SUGCT: variants seen among roughly 807,000 people sequenced by gnomAD.
The protein encoded by SUGCT is succinyl-CoA:glutarate-CoA transferase.
A neutral mutation model predicts 55.0 loss-of-function variants in SUGCT; 41 were observed. The observed-to-expected ratio is 0.74, with a 90% confidence interval of 0.58 to 0.97. SUGCT has a LOEUF of 0.97. Among genes scored for constraint, SUGCT ranks in the 50% least tolerant of loss-of-function variants. SUGCT has a pLI of 0.00. For missense variants in SUGCT, 568 were observed against 547.8 expected (o/e 1.04, Z -0.37); for synonymous variants, 187 against 200.4 (o/e 0.93, Z 0.56).
At chr7:40,461,955 T>C (rs959494788) in intron 11 of SUGCT, among the ~76,000 whole-genome samples, 1 of 152,224 alleles carries the variant, frequency 6.6e-6, no homozygotes, top group Admixed American at 6.5e-5. Flanking sequence ...ATCTCTCATA[T>C]TGCCTCCCTG....
At chr7:40,438,837 A>G (rs137934211) in intron 9 of SUGCT, among the ~76,000 whole-genome samples, 17 of 151,674 alleles carry the variant, frequency 1.1e-4, no homozygotes, top group African/African-American at 3.4e-4. Flanking sequence ...CAGAATGAGG[A>G]GAAGAGAAGG....
At chr7:40,341,797 C>T (rs1797065882) in intron 9 of SUGCT, among the ~76,000 whole-genome samples, 1 of 152,182 alleles carries the variant, frequency 6.6e-6, no homozygotes, top group Non-Finnish European at 1.5e-5. Context: ...AAGATGCATC[C>T]TTCTGAGTTG....
intron 13 of SUGCT, among the ~76,000 whole-genome samples, chr7:40,753,963 C>T (rs1788137370): frequency 6.6e-6 from 1 of 152,104 alleles, no homozygotes; most frequent in African/African-American, 2.4e-5. Context: ...ATATCTGTTG[C>T]AAATACTCCC....
At chr7:40,938,899 T>C in the SUGCT span, among the ~76,000 whole-genome samples, 4 of 152,214 alleles carry the variant, frequency 2.6e-5, no homozygotes, top group African/African-American at 7.2e-5. Flanking sequence ...ATATACCATA[T>C]TTTCTTCATC....
chr7:40,309,582 A>C (rs1455193810), intron 8 of SUGCT, among the ~76,000 whole-genome samples: 1 of 152,220 alleles, frequency 6.6e-6, no homozygotes, highest in East Asian at 1.9e-4. Context: ...GACATGAGCC[A>C]CTGCACCTGG....
At chr7:40,396,230 C>T (rs1049324373) in intron 9 of SUGCT, among the ~76,000 whole-genome samples, 1 of 152,162 alleles carries the variant, frequency 6.6e-6, no homozygotes, top group Non-Finnish European at 1.5e-5. Context: ...TGCCTTAATA[C>T]AACTCTGACA....
At chr7:40,949,758 T>C in the SUGCT span, among the ~76,000 whole-genome samples, 1,857 of 152,316 alleles carry the variant, frequency 0.012, 42 homozygotes, top group African/African-American at 0.042. Context: ...AAAGATCAGC[T>C]GGTTGTAGAT....
intron 8 of SUGCT, among the ~76,000 whole-genome samples, chr7:40,305,142 G>T (rs1794782313): frequency 6.6e-6 from 1 of 152,124 alleles, no homozygotes; most frequent in African/African-American, 2.4e-5. Context: ...TATCCATCTG[G>T]TATGTGGGGA....
At chr7:40,888,733 A>T in the SUGCT span, among the ~76,000 whole-genome samples, 4 of 152,198 alleles carry the variant, frequency 2.6e-5, no homozygotes, top group African/African-American at 9.7e-5. Flanking sequence ...CAGACCACAG[A>T]TAGGTACTGC....
chr7:40,649,262 A>G (rs1279856688), intron 12 of SUGCT, among the ~76,000 whole-genome samples: 1 of 152,184 alleles, frequency 6.6e-6, no homozygotes, highest in Non-Finnish European at 1.5e-5. Context: ...TGTGCTTGAG[A>G]TCAGAAGTCA....
chr7:40,545,354 T>G (rs1391485778), intron 12 of SUGCT, among the ~76,000 whole-genome samples: 1 of 152,236 alleles, frequency 6.6e-6, no homozygotes, highest in Non-Finnish European at 1.5e-5. Flanking sequence ...CCTTCCTTTC[T>G]TCTTTCTTAC....
At chr7:40,761,163 G>A (rs1247434510) in intron 13 of SUGCT, among the ~76,000 whole-genome samples, 1 of 152,224 alleles carries the variant, frequency 6.6e-6, no homozygotes, top group African/African-American at 2.4e-5. Context: ...GCATGTGACA[G>A]TGACCAGTCA....
chr7:40,518,426 G>A (rs1319600116), intron 12 of SUGCT, among the ~76,000 whole-genome samples: 1 of 152,066 alleles, frequency 6.6e-6, no homozygotes, highest in African/African-American at 2.4e-5. Context: ...GATAATGAAA[G>A]CCAGATTACT....
rs139021597 is a variant in SUGCT, at chr7:40,770,740, ACAT to A, written c.1153+21250_1153+21252del. ...TAATGGACAACAAACCATATCTGTC[ACAT>A]CATCATTTAACTCAGTTTATATAAT... On this transcript the variant is annotated intron_variant, in intron 13 of 13. Coordinates refer to ENST00000335693, the MANE Select transcript of SUGCT (RefSeq NM_001193313.2). Among the ~76,000 whole-genome samples the A allele has an allele frequency of 9.1e-3, 1,393 of 152,284 alleles. 20 individuals carry two copies. Among genetic ancestry groups the A allele is most frequent in the African/African-American group, 0.032 (1,342 of 41,546 alleles).
At chr7:40,534,121 A>G (rs924072133) in intron 12 of SUGCT, among the ~76,000 whole-genome samples, 2 of 152,164 alleles carry the variant, frequency 1.3e-5, no homozygotes, top group Admixed American at 6.5e-5. Flanking sequence ...AAAATCCCCA[A>G]TACCTATTTG....
At chr7:40,145,457 A>G (rs1788193759) in intron 1 of SUGCT, among the ~76,000 whole-genome samples, 1 of 151,850 alleles carries the variant, frequency 6.6e-6, no homozygotes, top group Non-Finnish European at 1.5e-5. Context: ...AATTTATTTT[A>G]GGACAAGAAT....
intron 1 of SUGCT, 84 bp downstream of exon 1, chr7:40,135,204 G>C: frequency 1.4e-6 from 2 of 1,429,822 alleles, no homozygotes; most frequent in Non-Finnish European, 1.9e-6. Flanking sequence ...GAGCAATTAG[G>C]GTCTGAAGTC....
intron 12 of SUGCT, among the ~76,000 whole-genome samples, chr7:40,529,902 G>A (rs1049309114): frequency 1.3e-5 from 2 of 152,158 alleles, no homozygotes; most frequent in East Asian, 3.8e-4. Context: ...AAGGTACAAG[G>A]AAAGTTGACT....
chr7:40,860,256 G>T, intron 13 of SUGCT, 60 bp from the exon 14 acceptor site: 1 of 1,605,760 alleles, frequency 6.2e-7, no homozygotes, highest in Non-Finnish European at 8.5e-7. Context: ...GGCTGCTTAG[G>T]TAATTAATTT....
Sources: gnomAD v4.1 joint callset for allele counts (sites outside exome capture counted in the v4.1 genomes callset) on GRCh38, gnomAD v4.1.1 for gene constraint, MANE v1.5 for transcripts, NCBI Gene and HGNC (gene_info 2026-07-23, HGNC 2026-07-21) for gene names.